The following ARSD variants were observed in gnomAD, a reference collection of about 807,000 sequenced individuals.
ARSD encodes the protein arylsulfatase D.
Under a neutral mutation model 32.6 loss-of-function variants are expected in ARSD, and 21 were observed. The observed-to-expected ratio is 0.64, with a 90% CI of 0.46 to 0.93. The LOEUF (loss-of-function observed/expected upper bound fraction) is 0.93. Among genes scored for constraint, ARSD ranks in the 40% least tolerant of loss-of-function variants. ARSD has a pLI of 0.00. For synonymous variants in ARSD, 224 were observed against 237.4 expected, an observed-to-expected ratio of 0.94 and a Z score of 0.52; for missense variants, 454 against 520.9, an observed-to-expected ratio of 0.87 and a Z score of 1.25.
chrX:2,911,494 C>T (rs1349924249), intron 6 of ARSD, among the ~76,000 whole-genome samples: 1 of 107,299 alleles, frequency 9.3e-6, no homozygotes, highest in African/African-American at 3.4e-5. Context: ...CACCGTGAAG[C>T]CCCGTCTCTA....
At chrX:2,908,610 C>T in intron 9 of ARSD, 111 bp downstream of exon 9, 1 of 722,469 alleles carries the variant, frequency 1.4e-6, no homozygotes, top group Non-Finnish European at 1.9e-6. Context: ...GTCCATCCAC[C>T]CATCCATCCA....
Position 2,904,070 on chromosome X carries a change from C to T in ARSD, c.*3201G>A, listed in dbSNP as rs1252654436. On this transcript the variant is annotated 3_prime_UTR_variant, in exon 10 of 10. Transcript: ENST00000381154. Reference sequence around the variant, plus strand: ...AATGCAACTGTCCTATTCGCAGAGCCGTCCACAGGTACCTACCCCCTGGAC... The same window carrying T: ...AATGCAACTGTCCTATTCGCAGAGCTGTCCACAGGTACCTACCCCCTGGAC... 9.0e-5 allele frequency: 10 copies of T among 111,543 alleles called. No homozygotes were observed. In the East Asian group the frequency reaches 2.2e-3, roughly 25 times the overall value. 9.2% of individuals were successfully genotyped at this position (111,543 alleles called of 1,213,427 possible).
chrX:2,925,798 T>G (rs1427939047), intron 1 of ARSD, 33 bp from the exon 2 acceptor site: 2 of 1,201,094 alleles, frequency 1.7e-6, no homozygotes, highest in Non-Finnish European at 2.2e-6. Flanking sequence ...GAAATGACTA[T>G]CTACAATTTG....
chrX:2,920,791 G>T, intron 3 of ARSD, 68 bp from the exon 4 acceptor site: 1 of 1,158,149 alleles, frequency 8.6e-7, no homozygotes, highest in Non-Finnish European at 1.2e-6. Flanking sequence ...CAACCAGAGG[G>T]ATTTGGTGTC....
rs1054598002 is a variant in ARSD, at chrX:2,914,422, G to T, written c.1000+1134C>A. 4.0e-4 allele frequency: 183 copies of T among 460,991 alleles called. 1 individual carries two copies. The highest frequency in any genetic ancestry group is 5.3e-4 in the East Asian group (3 of 5,655). The allele number at this position is 460,991 out of a possible 1,213,427, so 38.0% of individuals were successfully genotyped here. ...TTTTTAAATTTTTTGTAGAGATGGG[G>T]GGGGGGGGCGTCTCACTATGTTGCC... On this transcript the variant is annotated intron_variant, in intron 6 of 9. Transcript: ENST00000381154.
At chrX:2,910,180 G>A (rs2088890689) in intron 7 of ARSD, among the ~76,000 whole-genome samples, 2 of 110,520 alleles carry the variant, frequency 1.8e-5, no homozygotes, top group Non-Finnish European at 3.8e-5. Context: ...GAATATCGGT[G>A]GGTCGCTGTG....
intron 2 of ARSD, among the ~76,000 whole-genome samples, chrX:2,924,619 G>A (rs897331330): frequency 1.5e-4 from 17 of 112,958 alleles, no homozygotes; most frequent in African/African-American, 5.5e-4. Flanking sequence ...GCTGAATGGG[G>A]GTCTGCGAAC....
chrX:2,920,426 A>G (rs1348056907), intron 4 of ARSD, 175 bp downstream of exon 4: 1 of 519,796 alleles, frequency 1.9e-6, no homozygotes, highest in African/African-American at 2.4e-5. Context: ...ACTGGAGTGC[A>G]GTGGTGTGAT....
chrX:2,909,821 C>T lies in ARSD; in HGVS notation c.1294G>A (p.Asp432Asn). ...GGCAGCCTTATCTCCACGTACCTGTCCTGGGGCACCTCGCCACCCACCAGC... is the reference window on the plus strand; with the variant it reads ...GGCAGCCTTATCTCCACGTACCTGTTCTGGGGCACCTCGCCACCCACCAGC... ...VQLVGGEVPQ[D>N]RVIDGHSLVP... is the part of the protein sequence containing the mutation. The change falls in exon 8 of 10, where the codon GAC (aspartate) becomes AAC (asparagine). Residue 432 changes from aspartate (D) to asparagine (N), a missense_variant. Transcript: ENST00000381154. 2.5e-6 allele frequency: 3 copies of T among 1,207,270 alleles called. No homozygotes were observed. The highest frequency in any genetic ancestry group is 3.4e-6 in the Non-Finnish European group (3 of 892,717).
Position 2,907,592 on chromosome X carries a change from G to T in ARSD, c.1461C>A (p.Phe487Leu), listed in dbSNP as rs1476503143. The change falls in exon 10 of 10, where the codon TTC becomes TTA. Residue 487 changes from phenylalanine to leucine, a missense_variant. Physicochemically the swap from Phe to Leu is conservative, Grantham distance 22 (BLOSUM62 0). This residue lies in a region of ARSD where 179 missense variants were observed against 198.5 expected (regional missense o/e 0.90). Coordinates refer to ENST00000381154, the MANE Select transcript of ARSD (RefSeq NM_001669.4). ...VWKVHYTTPQ[F>L]HPEGAGACYG... Reference sequence around the variant, plus strand: ...AGCAGGCCCCCGCTCCCTCGGGGTGGAACTGCGGGGTCGTGTAATGAACCT... The same window carrying T: ...AGCAGGCCCCCGCTCCCTCGGGGTGTAACTGCGGGGTCGTGTAATGAACCT... 8.9e-7 allele frequency: 1 copy of T among 1,123,453 alleles called. No homozygotes were observed. The highest frequency in any genetic ancestry group is 1.2e-6 in the Non-Finnish European group (1 of 851,523). 92.6% of individuals were successfully genotyped at this position (1,123,453 alleles called of 1,213,427 possible). A position where few individuals can be genotyped will look rare whatever the true frequency, so the allele number is the denominator to read the frequency against.
At chrX:2,909,727 A>G (rs949820669) in intron 8 of ARSD, 90 bp downstream of exon 8, 1 of 855,811 alleles carries the variant, frequency 1.2e-6, no homozygotes, top group African/African-American at 2.3e-5. Context: ...ACCAAATACC[A>G]CCTGTTCCCC....
intron 7 of ARSD, 135 bp downstream of exon 7, chrX:2,910,524 C>T: frequency 1.1e-6 from 1 of 913,349 alleles, no homozygotes; most frequent in South Asian, 2.2e-5. Context: ...CTAGGTAGAA[C>T]TTGTACTACA....
At chrX:2,917,731 G>A (rs768129555) in intron 5 of ARSD, 73 bp downstream of exon 5, 1 of 1,067,923 alleles carries the variant, frequency 9.4e-7, no homozygotes, top group East Asian at 3.2e-5. Flanking sequence ...TTGGCCTCCC[G>A]AAGTGCTAGG....
At chrX:2,921,062 A>G (rs920718399) in intron 3 of ARSD, among the ~76,000 whole-genome samples, 2 of 111,365 alleles carry the variant, frequency 1.8e-5, no homozygotes, top group Non-Finnish European at 3.8e-5. Context: ...GATGCTGCTC[A>G]AGACCCTACA....
In ARSD at chrX:2,918,019, G is replaced by C; in HGVS notation, c.648C>G (p.Ala216=). 1 of 1,205,691 alleles carries C rather than the reference G, an allele frequency of 8.3e-7. No homozygotes were observed. Among genetic ancestry groups the C allele is most frequent in the South Asian group, 1.8e-5 (1 of 56,043 alleles). ...CAGAGAAGAAACCGCAGGTCTGGCC[G>C]GCAGCCAGGGTGAGAATCCCCAGCG... ...FLALGILTLA[A]GQTCGFFSVS... The change falls in exon 5 of 10, where the codon GCC becomes GCG. Residue 216 remains alanine (A), a synonymous_variant. Coordinates refer to ENST00000381154, the MANE Select transcript of ARSD (RefSeq NM_001669.4).
intron 4 of ARSD, among the ~76,000 whole-genome samples, chrX:2,919,049 G>A (rs1462305716): frequency 2.7e-5 from 3 of 110,833 alleles, no homozygotes; most frequent in African/African-American, 9.9e-5. Flanking sequence ...CCCAGGAGGT[G>A]GAGGCTGCAG....
chrX:2,908,871 A>C (rs2088877995), intron 8 of ARSD, 29 bp from the exon 9 acceptor site: 1 of 1,208,533 alleles, frequency 8.3e-7, no homozygotes, highest in Non-Finnish European at 1.1e-6. Flanking sequence ...CACAGAGCAG[A>C]GTCAGACCAC....
rs111644270 is a variant in ARSD at position 2,915,805 on chromosome X, C to CCT, written c.864-115_864-114dup. On this transcript the variant is annotated intron_variant, in intron 5 of 9. Transcript: ENST00000381154. ...TCACAAGAGCCAAGGCAGGGGATCA[C>CCT]CTTCTGAGTTCATCAGTGGGTGAAC... 5.3e-5 allele frequency: 38 copies of CCT among 722,717 alleles called. No individual in the cohort carries two copies. In the African/African-American group the frequency reaches 6.7e-4, roughly 13 times the overall value. The allele number at this position is 722,717 out of a possible 1,213,427, so 59.6% of individuals were successfully genotyped here. A position where few individuals can be genotyped will look rare whatever the true frequency, so the allele number is the denominator to read the frequency against.
intron 6 of ARSD, chrX:2,913,370 A>C: frequency 4.0e-6 from 1 of 247,272 alleles, no homozygotes; most frequent in Non-Finnish European, 5.7e-6. Context: ...GGGGGGTAGA[A>C]TGAGGCAAGC....
Sources: allele counts gnomAD v4.1 joint callset (sites outside exome capture counted in the v4.1 genomes callset), GRCh38; gene constraint gnomAD v4.1.1; regional missense constraint gnomAD v4.1.1; transcripts MANE v1.5; gene names NCBI Gene and HGNC (gene_info 2026-07-23, HGNC 2026-07-21).